Variants in SRP54 observed in about 807,000 individuals in gnomAD.
SRP54 encodes signal recognition particle 54, also known as signal recognition particle subunit SRP54.
SRP54 carries 10 observed loss-of-function variants against 64.8 expected under a neutral mutation model. The ratio of observed to expected loss-of-function variants is 0.15; its 90% CI spans 0.10 to 0.26. SRP54 has a LOEUF of 0.26. Among genes scored for constraint, SRP54 ranks in the 10% least tolerant of loss-of-function variants. The pLI, the probability that SRP54 is intolerant of heterozygous loss-of-function variation, is 1.00. For synonymous variants in SRP54, 193 were observed against 185.6 expected, an observed-to-expected ratio of 1.04 and a Z score of -0.32; for missense variants, 325 against 613.7, an observed-to-expected ratio of 0.53 and a Z score of 4.97.
intron 11 of SRP54, among the ~76,000 whole-genome samples, chr14:35,017,100 C>CT (rs1355194660): frequency 6.6e-6 from 1 of 152,136 alleles, no homozygotes; most frequent in Non-Finnish European, 1.5e-5. Flanking sequence ...GGTGATCTGC[C>CT]TGCCTCGGCC....
At position 34,983,016 on chromosome 14, in the gene SRP54, T is replaced by A. The variant is rs572635329; in HGVS notation, c.-233T>A. ...CATTGGGCGGAAGGTTCGCTGGCAC[T>A]CCGTTGGTCTTCCAGCTGGTGGGAG... On this transcript the variant is annotated 5_prime_UTR_variant, in exon 1 of 16. Transcript: ENST00000216774. 1 of 152,476 alleles carries A rather than the reference T, an allele frequency of 6.6e-6. No homozygotes were observed. The highest frequency in any genetic ancestry group is 2.4e-5 in the African/African-American group (1 of 41,584). 9.4% of individuals were successfully genotyped at this position (152,476 alleles called of 1,614,324 possible).
chr14:34,994,687 A>T (rs1182240698), intron 1 of SRP54, among the ~76,000 whole-genome samples: 1 of 152,034 alleles, frequency 6.6e-6, no homozygotes, highest in Non-Finnish European at 1.5e-5. Flanking sequence ...TTCTCCACTT[A>T]CTCAAATTCT....
chr14:34,987,632 G>T (rs1278577610), intron 1 of SRP54, among the ~76,000 whole-genome samples: 5 of 152,072 alleles, frequency 3.3e-5, no homozygotes, highest in Admixed American at 6.6e-5. Context: ...TTATTGCCTA[G>T]TGATATACCT....
chr14:34,997,352 C>G (rs766217083), intron 2 of SRP54, among the ~76,000 whole-genome samples: 15 of 152,038 alleles, frequency 9.9e-5, no homozygotes, highest in Non-Finnish European at 2.2e-4. Flanking sequence ...CCATTTGTCC[C>G]CCACAGATTG....
chr14:34,994,160 AT>A (rs537292974), intron 1 of SRP54, among the ~76,000 whole-genome samples: 5 of 146,570 alleles, frequency 3.4e-5, no homozygotes, highest in South Asian at 4.3e-4. Flanking sequence ...TGCCCAGCTA[AT>A]TTTTTTTTTG....
intron 11 of SRP54, among the ~76,000 whole-genome samples, chr14:35,015,869 C>A (rs2044430020): frequency 6.6e-6 from 1 of 152,196 alleles, no homozygotes; most frequent in Non-Finnish European, 1.5e-5. Flanking sequence ...GCTTCAGACT[C>A]ATGTATCTGT....
At chr14:35,022,652 G>A (rs2044552640) in intron 13 of SRP54, among the ~76,000 whole-genome samples, 1 of 152,158 alleles carries the variant, frequency 6.6e-6, no homozygotes, top group African/African-American at 2.4e-5. Flanking sequence ...ACCACGCCTG[G>A]CCTCCATGTT....
chr14:34,994,692 A>C (rs2044038816), intron 1 of SRP54, among the ~76,000 whole-genome samples: 1 of 151,940 alleles, frequency 6.6e-6, no homozygotes, highest in African/African-American at 2.4e-5. Flanking sequence ...CACTTACTCA[A>C]ATTCTACTCT....
intron 4 of SRP54, among the ~76,000 whole-genome samples, chr14:35,003,295 C>T (rs1338777680): frequency 1.3e-5 from 2 of 152,050 alleles, no homozygotes; most frequent in African/African-American, 4.8e-5. Context: ...TTGACATTTG[C>T]ACTGAAAACA....
chr14:34,986,464 A>G (rs2043897189), intron 1 of SRP54, among the ~76,000 whole-genome samples: 1 of 152,208 alleles, frequency 6.6e-6, no homozygotes, highest in African/African-American at 2.4e-5. Flanking sequence ...CCCAACCTCT[A>G]GTCTGTTGAC....
intron 8 of SRP54, among the ~76,000 whole-genome samples, chr14:35,012,404 A>T (rs890800113): frequency 1.3e-5 from 2 of 152,136 alleles, no homozygotes; most frequent in Non-Finnish European, 2.9e-5. Flanking sequence ...TATCTGCAGC[A>T]TATATTATTA....
intron 7 of SRP54, among the ~76,000 whole-genome samples, chr14:35,010,500 C>G (rs1444581738): frequency 6.6e-6 from 1 of 151,904 alleles, no homozygotes; most frequent in Admixed American, 6.6e-5. Context: ...GGCATGATGG[C>G]TCATGCATGT....
intron 11 of SRP54, among the ~76,000 whole-genome samples, chr14:35,018,374 G>C (rs2044476541): frequency 6.6e-6 from 1 of 152,028 alleles, no homozygotes; most frequent in Non-Finnish European, 1.5e-5. Context: ...TTTAACTTTT[G>C]ATATTGTCAA....
At position 34,998,965 on chromosome 14, in the gene SRP54, TTGTGTGTATG is replaced by T. The variant is rs1264432586; in HGVS notation, c.79-585_79-576del. 3.0e-4 allele frequency among the ~76,000 whole-genome samples: 36 copies of T among 121,870 alleles called. 1 individual carries two copies. The highest frequency in any genetic ancestry group is 3.8e-4 in the Non-Finnish European group (20 of 53,112). The allele number at this position is 121,870 out of a possible 152,430, so 80.0% of individuals were successfully genotyped here. On this transcript the variant is annotated intron_variant, in intron 2 of 15. Coordinates refer to ENST00000216774, the MANE Select transcript of SRP54 (RefSeq NM_003136.4). ...CTTGAATATTGTCTTTATTATTACTTTGTGTGTATGTGTGTGTGTGTGTGTGTGTGTGTGT... is the reference window on the plus strand; with the variant it reads ...CTTGAATATTGTCTTTATTATTACTTTGTGTGTGTGTGTGTGTGTGTGTGT...
chr14:34,984,287 T>A (rs1247400280), intron 1 of SRP54, among the ~76,000 whole-genome samples: 1 of 152,124 alleles, frequency 6.6e-6, no homozygotes, highest in East Asian at 1.9e-4. Flanking sequence ...AAAAATTGAT[T>A]TTCTCCTATG....
intron 10 of SRP54, among the ~76,000 whole-genome samples, chr14:35,014,142 G>T (rs1566652751): frequency 6.6e-6 from 1 of 151,970 alleles, no homozygotes. Context: ...AAAACAAGTG[G>T]TTTTAATAAT....
chr14:35,015,073 C>G (rs181091170), intron 11 of SRP54, among the ~76,000 whole-genome samples: 21 of 151,996 alleles, frequency 1.4e-4, no homozygotes, highest in African/African-American at 5.1e-4. Context: ...TCACTAGGTT[C>G]CTTGAAGTTT....
intron 1 of SRP54, among the ~76,000 whole-genome samples, chr14:34,990,807 CAAAT>C (rs1331834573): frequency 3.9e-5 from 6 of 152,162 alleles, no homozygotes; most frequent in East Asian, 1.9e-4. Context: ...TAAGTAATGA[CAAAT>C]AAATATATTT....
At chr14:35,008,541 G>T in intron 5 of SRP54, 86 bp from the exon 6 acceptor site, 2 of 884,190 alleles carry the variant, frequency 2.3e-6, no homozygotes, top group Admixed American at 3.5e-5. Flanking sequence ...TACTCCTTAG[G>T]TAAATAATAA....
Sources: allele counts gnomAD v4.1 joint callset (sites outside exome capture counted in the v4.1 genomes callset), GRCh38; gene constraint gnomAD v4.1.1; transcripts MANE v1.5; gene names NCBI Gene and HGNC (gene_info 2026-07-23, HGNC 2026-07-21).